Variants in PLCXD3 observed in about 807,000 individuals in gnomAD.
PLCXD3 encodes PI-PLC X domain-containing protein 3.
Under a neutral mutation model 25.5 loss-of-function variants are expected in PLCXD3, and 19 were observed. The ratio of observed to expected loss-of-function variants is 0.75; its 90% confidence interval spans 0.52 to 1.09. The LOEUF (loss-of-function observed/expected upper bound fraction) is 1.09. Ranked by LOEUF, PLCXD3 falls within the 50% of genes least tolerant of loss-of-function variation. The pLI is 0.00. For missense variants in PLCXD3, 411 were observed against 388.1 expected (o/e 1.06, Z -0.50); for synonymous variants, 174 against 137.6 (o/e 1.26, Z -1.85).
chr5:41,421,861 A>C (rs1360132986), intron 1 of PLCXD3, among the ~76,000 whole-genome samples: 1 of 152,194 alleles, frequency 6.6e-6, no homozygotes. Context: ...TTTAGGTGAC[A>C]AAGCAGTGAG....
intron 1 of PLCXD3, among the ~76,000 whole-genome samples, chr5:41,422,522 T>C (rs1444659717): frequency 6.6e-6 from 1 of 152,194 alleles, no homozygotes; most frequent in African/African-American, 2.4e-5. Context: ...AATTTTAGAC[T>C]ATATTAATCA....
chr5:41,493,572 T>A (rs1034079932), intron 1 of PLCXD3, among the ~76,000 whole-genome samples: 2 of 152,218 alleles, frequency 1.3e-5, no homozygotes, highest in Non-Finnish European at 2.9e-5. Flanking sequence ...CTCCTTGAGC[T>A]GTGGTGGGCT....
chr5:41,494,523 T>C (rs902285116), intron 1 of PLCXD3, among the ~76,000 whole-genome samples: 3 of 152,210 alleles, frequency 2.0e-5, no homozygotes, highest in Non-Finnish European at 4.4e-5. Context: ...GATTTTGGGC[T>C]TGGGAAACTA....
chr5:41,359,470 C>G (rs1744714089), intron 2 of PLCXD3, among the ~76,000 whole-genome samples: 1 of 152,224 alleles, frequency 6.6e-6, no homozygotes, highest in South Asian at 2.1e-4. Flanking sequence ...GGGAGCTTAT[C>G]CATCTCCTCT....
chr5:41,504,607 C>T (rs1210011756), intron 1 of PLCXD3, among the ~76,000 whole-genome samples: 1 of 152,154 alleles, frequency 6.6e-6, no homozygotes, highest in Non-Finnish European at 1.5e-5. Flanking sequence ...AATGTTGGGC[C>T]TCTGCAGACA....
At chr5:41,370,616 C>T (rs1168401572) in intron 2 of PLCXD3, among the ~76,000 whole-genome samples, 1 of 152,122 alleles carries the variant, frequency 6.6e-6, no homozygotes, top group Admixed American at 6.5e-5. Context: ...ACTCGACTAG[C>T]CATTTATACT....
At chr5:41,389,831 T>C (rs1204899039) in intron 1 of PLCXD3, among the ~76,000 whole-genome samples, 1 of 152,212 alleles carries the variant, frequency 6.6e-6, no homozygotes, top group Non-Finnish European at 1.5e-5. Flanking sequence ...CATTGACATG[T>C]TCCTTTTTAA....
intron 1 of PLCXD3, among the ~76,000 whole-genome samples, chr5:41,431,490 A>G (rs185538369): frequency 1.2e-3 from 185 of 152,272 alleles, no homozygotes; most frequent in Admixed American, 3.4e-3. Context: ...TTTATCCTAC[A>G]TTTTCATGCC....
Position 41,412,766 on chromosome 5 carries a change from C to T in PLCXD3, c.104-30232G>A, listed in dbSNP as rs74712646. On this transcript the variant is annotated intron_variant, in intron 1 of 2. Coordinates refer to ENST00000377801, the MANE Select transcript of PLCXD3 (RefSeq NM_001005473.3). The stretch of plus-strand genomic sequence containing the variant: ...TCTTACCTCAAAGAACCCCCTAATG[C>T]TAAAAGGACTTGATATTGTCTGGAC... Among the ~76,000 whole-genome samples, 439 of 152,302 alleles carry T rather than the reference C, an allele frequency of 2.9e-3. 11 individuals carry two copies. The highest frequency in any genetic ancestry group is 0.023 in the East Asian group (117 of 5,194).
intron 2 of PLCXD3, among the ~76,000 whole-genome samples, chr5:41,334,268 T>C (rs962993553): frequency 7.6e-6 from 1 of 131,196 alleles, no homozygotes; most frequent in African/African-American, 2.6e-5. Context: ...TTGGGGTTAC[T>C]ACAAGGATCA....
rs1220432858 is a variant in PLCXD3 at position 41,312,341 on chromosome 5, A to G, written c.*1276T>C. On this transcript the variant is annotated 3_prime_UTR_variant, in exon 3 of 3. Coordinates refer to ENST00000377801, the MANE Select transcript of PLCXD3 (RefSeq NM_001005473.3). Reference sequence around the variant, plus strand: ...CTCATAAATTTCAAGTTTCCTAAAGATATTTCAGAGATCCCTGTGATTTCA... The same window carrying G: ...CTCATAAATTTCAAGTTTCCTAAAGGTATTTCAGAGATCCCTGTGATTTCA... The G allele has an allele frequency of 6.6e-6, 1 of 152,368 alleles. No individual in the cohort carries two copies. Among genetic ancestry groups the G allele is most frequent in the Non-Finnish European group, 1.5e-5 (1 of 68,028 alleles). 9.4% of individuals were successfully genotyped at this position (152,368 alleles called of 1,614,324 possible). A position where few individuals can be genotyped will look rare whatever the true frequency, so the allele number is the denominator to read the frequency against.
chr5:41,464,879 A>G (rs965892002), intron 1 of PLCXD3, among the ~76,000 whole-genome samples: 3 of 151,370 alleles, frequency 2.0e-5, no homozygotes, highest in African/African-American at 7.3e-5. Context: ...CCATTTCATC[A>G]TTCCTTCTTC....
intron 2 of PLCXD3, among the ~76,000 whole-genome samples, chr5:41,362,752 T>A (rs1744823452): frequency 6.6e-6 from 1 of 152,206 alleles, no homozygotes; most frequent in Non-Finnish European, 1.5e-5. Context: ...ATACAGCAAC[T>A]CCTGATCAAC....
chr5:41,434,470 A>G (rs753306826), intron 1 of PLCXD3, among the ~76,000 whole-genome samples: 1 of 152,144 alleles, frequency 6.6e-6, no homozygotes, highest in Non-Finnish European at 1.5e-5. Flanking sequence ...ATGGAGCTCC[A>G]CTTGGTGACT....
intron 1 of PLCXD3, among the ~76,000 whole-genome samples, chr5:41,456,357 C>T (rs1324805014): frequency 6.6e-6 from 1 of 151,870 alleles, no homozygotes; most frequent in East Asian, 1.9e-4. Context: ...ATCCATCATA[C>T]TTCTTTAAAA....
chr5:41,455,447 C>A (rs1286565280), intron 1 of PLCXD3, among the ~76,000 whole-genome samples: 1 of 151,846 alleles, frequency 6.6e-6, no homozygotes, highest in African/African-American at 2.4e-5. Flanking sequence ...CTCATGCTGT[C>A]TCAGAGGGAT....
At chr5:41,326,550 A>G (rs181153906) in intron 2 of PLCXD3, among the ~76,000 whole-genome samples, 158 of 151,820 alleles carry the variant, frequency 1.0e-3, no homozygotes, top group African/African-American at 3.2e-3. Context: ...AAATGCTTGT[A>G]TTTTCCCCAA....
intron 1 of PLCXD3, among the ~76,000 whole-genome samples, chr5:41,389,707 G>T (rs923351095): frequency 6.6e-6 from 1 of 151,790 alleles, no homozygotes; most frequent in Non-Finnish European, 1.5e-5. Context: ...AGGAAACCAT[G>T]GTCAGTATAA....
chr5:41,429,084 C>G (rs1420959414), intron 1 of PLCXD3, among the ~76,000 whole-genome samples: 1 of 152,122 alleles, frequency 6.6e-6, no homozygotes, highest in African/African-American at 2.4e-5. Context: ...AGAAGCCAAA[C>G]TTTGGGAGTA....
Sources: allele counts gnomAD v4.1 joint callset (sites outside exome capture counted in the v4.1 genomes callset), GRCh38; gene constraint gnomAD v4.1.1; transcripts MANE v1.5; gene names NCBI Gene and HGNC (gene_info 2026-07-23, HGNC 2026-07-21).